The following MAST4 variants were observed in gnomAD, a reference collection of about 807,000 sequenced individuals.
The protein encoded by MAST4 is microtubule associated serine/threonine kinase family member 4.
MAST4 carries 89 observed loss-of-function variants against 162.7 expected under a neutral mutation model. That is an observed-to-expected ratio of 0.55 (90% CI 0.46 to 0.65). The LOEUF (loss-of-function observed/expected upper bound fraction) is 0.65, where lower values mean the gene tolerates loss of function less well. MAST4 is among the 30% of genes least tolerant of loss of function. The pLI is 0.00. For synonymous variants in MAST4, 1,479 were observed against 1,361.1 expected (o/e 1.09, Z -1.91); for missense variants, 3,153 against 3,374.0 (o/e 0.93, Z 1.62).
intron 4 of MAST4, among the ~76,000 whole-genome samples, chr5:66,966,123 T>C (rs925274724): frequency 1.3e-5 from 2 of 152,184 alleles, no homozygotes; most frequent in Non-Finnish European, 2.9e-5. Flanking sequence ...CAGATGAAAA[T>C]GCTAACCCAT....
chr5:67,074,581 T>A (rs1216545790), intron 5 of MAST4, among the ~76,000 whole-genome samples: 1 of 152,022 alleles, frequency 6.6e-6, no homozygotes, highest in Non-Finnish European at 1.5e-5. Flanking sequence ...TAAATTGTAG[T>A]CCATCTGTAT....
intron 3 of MAST4, among the ~76,000 whole-genome samples, chr5:66,847,838 A>AAAAAAG: frequency 6.6e-6 from 1 of 150,972 alleles, no homozygotes; most frequent in Non-Finnish European, 1.5e-5. Flanking sequence ...AAAAAAAAAA[A>AAAAAAG]AAAAAGAAAA....
At chr5:66,688,082 C>T (rs1270172526) in intron 1 of MAST4, among the ~76,000 whole-genome samples, 1 of 152,106 alleles carries the variant, frequency 6.6e-6, no homozygotes, top group Non-Finnish European at 1.5e-5. Context: ...TTGGTTTGGA[C>T]AGTAATATGG....
At position 67,142,676 on chromosome 5, in the gene MAST4, G is replaced by C; in HGVS notation, c.2730+143G>C. ...TTAAACTTCCTTTTGTTGAAGAAAA[G>C]TGACCTCCTCAACTTATAGTCTGTC... On this transcript the variant is annotated intron_variant, in intron 21 of 28. Transcript: ENST00000403625. 10 of 616,118 alleles carry C rather than the reference G, an allele frequency of 1.6e-5. No homozygotes were observed. The South Asian group carries it at 2.0e-4, about 13-fold the overall frequency. The allele number at this position is 616,118 out of a possible 1,614,324, so 38.2% of individuals were successfully genotyped here. A position where few individuals can be genotyped will look rare whatever the true frequency, so the allele number is the denominator to read the frequency against.
At chr5:66,949,507 T>C (rs755894651) in intron 4 of MAST4, among the ~76,000 whole-genome samples, 12 of 152,320 alleles carry the variant, frequency 7.9e-5, no homozygotes, top group Non-Finnish European at 1.2e-4. Context: ...TCCGCCATGA[T>C]TGTGAGTTTC....
intron 4 of MAST4, among the ~76,000 whole-genome samples, chr5:67,047,828 G>A (rs1241634995): frequency 6.6e-6 from 1 of 152,186 alleles, no homozygotes; most frequent in African/African-American, 2.4e-5. Context: ...GCAGAGAACA[G>A]CTTTGTTGTT....
intron 4 of MAST4, among the ~76,000 whole-genome samples, chr5:67,014,129 C>G (rs1451396527): frequency 6.6e-6 from 1 of 151,556 alleles, no homozygotes; most frequent in Non-Finnish European, 1.5e-5. Flanking sequence ...CTGATTTTAT[C>G]TACTTAACTA....
chr5:66,828,844 AT>A, intron 3 of MAST4: 3 of 1,606,860 alleles, frequency 1.9e-6, no homozygotes, highest in Non-Finnish European at 2.5e-6. Flanking sequence ...AGAGGGTGAG[AT>A]GGATGAGTCC....
chr5:66,744,406 A>G (rs1752637736), intron 1 of MAST4, among the ~76,000 whole-genome samples: 1 of 152,236 alleles, frequency 6.6e-6, no homozygotes, highest in Non-Finnish European at 1.5e-5. Context: ...ATGAATATTA[A>G]TTTTTAGCAT....
chr5:67,146,877 A>T (rs927401579), intron 23 of MAST4, among the ~76,000 whole-genome samples: 2 of 152,224 alleles, frequency 1.3e-5, no homozygotes, highest in Admixed American at 1.3e-4. Context: ...TGCTCAGATC[A>T]TATGTAGATA....
intron 4 of MAST4, among the ~76,000 whole-genome samples, chr5:66,919,323 T>C (rs1017380602): frequency 3.3e-5 from 5 of 151,946 alleles, no homozygotes; most frequent in African/African-American, 4.8e-5. Flanking sequence ...TATGAACTTA[T>C]CATCTTTACT....
intron 26 of MAST4, among the ~76,000 whole-genome samples, chr5:67,155,804 G>A (rs755580623): frequency 3.1e-4 from 47 of 152,104 alleles, no homozygotes; most frequent in African/African-American, 7.7e-4. Context: ...GCTCATACCC[G>A]TAATCCCAGC....
At chr5:66,935,626 C>G (rs1455752764) in intron 4 of MAST4, among the ~76,000 whole-genome samples, 3 of 151,982 alleles carry the variant, frequency 2.0e-5, no homozygotes, top group Non-Finnish European at 4.4e-5. Flanking sequence ...CTGTGCTCCT[C>G]AGTTGTCAGA....
chr5:67,102,371 A>T, intron 8 of MAST4, 165 bp from the exon 9 acceptor site: 6 of 693,344 alleles, frequency 8.7e-6, no homozygotes, highest in Non-Finnish European at 1.6e-5. Context: ...ATGGGAATGT[A>T]TGTGTGCATG....
chr5:66,924,953 T>C (rs570948009), intron 4 of MAST4, among the ~76,000 whole-genome samples: 5 of 152,226 alleles, frequency 3.3e-5, no homozygotes, highest in Non-Finnish European at 5.9e-5. Context: ...GTGAAAATTC[T>C]TAGATCATAA....
chr5:67,160,950 C>T lies in MAST4; in HGVS notation c.3785+358C>T, dbSNP rs570109716. ...AAATCTACATTTAAAATGTCCTTTA[C>T]GTTATCAAAAAACAAACAGTTGCTA... is the stretch of plus-strand genomic sequence containing the variant. On this transcript the variant is annotated intron_variant, in intron 27 of 28. Transcript: ENST00000403625. Among the ~76,000 whole-genome samples, 45 of 152,240 alleles carry T rather than the reference C, an allele frequency of 3.0e-4. 1 individual carries two copies. The South Asian group carries it at 8.9e-3, about 30-fold the overall frequency.
chr5:67,078,953 G>GATATAT (rs1762278299), intron 5 of MAST4, among the ~76,000 whole-genome samples: 1 of 18,664 alleles, frequency 5.4e-5, no homozygotes, highest in African/African-American at 3.3e-4. Flanking sequence ...TATATATATG[G>GATATAT]CAATCTGATG....
chr5:67,004,909 TGG>T, intron 4 of MAST4: 4 of 694,378 alleles, frequency 5.8e-6, no homozygotes, highest in South Asian at 3.1e-5. Flanking sequence ...TTTTTATTTT[TGG>T]CCTTGTCTTT....
At chr5:67,083,520 G>GA (rs1252622498) in intron 5 of MAST4, among the ~76,000 whole-genome samples, 1 of 152,130 alleles carries the variant, frequency 6.6e-6, no homozygotes, top group South Asian at 2.1e-4. Flanking sequence ...AACAGTCTGA[G>GA]AAAAACCCAT....
Sources: gnomAD v4.1 joint callset for allele counts (sites outside exome capture counted in the v4.1 genomes callset) on GRCh38, gnomAD v4.1.1 for gene constraint, MANE v1.5 for transcripts, NCBI Gene and HGNC (gene_info 2026-07-23, HGNC 2026-07-21) for gene names.